Variants in DOCK6 observed in about 807,000 individuals in gnomAD.
DOCK6 encodes dedicator of cytokinesis 6.
In DOCK6, 167 loss-of-function variants were observed where a neutral mutation model predicts 230.3. The observed-to-expected ratio is 0.73, with a 90% CI of 0.64 to 0.82. DOCK6 has a LOEUF of 0.82. Ranked by LOEUF, DOCK6 falls within the 40% of genes least tolerant of loss-of-function variation. The pLI, the probability that DOCK6 is intolerant of heterozygous loss-of-function variation, is 0.00. For synonymous variants in DOCK6, 1,148 were observed against 1,185.0 expected, an observed-to-expected ratio of 0.97 and a Z score of 0.64; for missense variants, 2,598 against 2,825.8, an observed-to-expected ratio of 0.92 and a Z score of 1.83.
intron 1 of DOCK6, among the ~76,000 whole-genome samples, chr19:11,259,441 A>G (rs957161466): frequency 2.6e-5 from 4 of 151,548 alleles, no homozygotes; most frequent in Non-Finnish European, 4.4e-5. Context: ...TGGGGGAGAG[A>G]GAGAGAGAGA....
At chr19:11,256,975 G>A (rs894519925) in intron 1 of DOCK6, among the ~76,000 whole-genome samples, 4 of 151,806 alleles carry the variant, frequency 2.6e-5, no homozygotes, top group Middle Eastern at 3.4e-3. Context: ...CACCGAGCCC[G>A]GCCTGTTTTT....
At chr19:11,256,133 G>C (rs187046258) in intron 1 of DOCK6, among the ~76,000 whole-genome samples, 2 of 152,132 alleles carry the variant, frequency 1.3e-5, no homozygotes, top group Non-Finnish European at 2.9e-5. Context: ...CTACTGACTG[G>C]GGGGGTTGAG....
At chr19:11,261,595 G>A (rs1289720803) in intron 1 of DOCK6, among the ~76,000 whole-genome samples, 1 of 152,172 alleles carries the variant, frequency 6.6e-6, no homozygotes, top group Non-Finnish European at 1.5e-5. Context: ...CCAACTGGGG[G>A]CGAGGCTTTT....
chr19:11,258,958 T>A (rs962217333), intron 1 of DOCK6, among the ~76,000 whole-genome samples: 2 of 150,696 alleles, frequency 1.3e-5, no homozygotes, highest in Non-Finnish European at 3.0e-5. Flanking sequence ...GGTTTCACCA[T>A]CTACAGACCC....
Position 11,217,336 on chromosome 19 carries a change from G to C in DOCK6, c.3606C>G (p.Gly1202=), listed in dbSNP as rs781207287. The change falls in exon 29 of 48, where the codon GGC becomes GGG. Residue 1202 remains glycine (G), a synonymous_variant. Transcript: ENST00000294618. Reference sequence around the variant, plus strand: ...TGATGGTACCCGCAATGTCCCCTTCGCCTTCTGTGTCTGAGTCAAGCATTG... The same window carrying C: ...TGATGGTACCCGCAATGTCCCCTTCCCCTTCTGTGTCTGAGTCAAGCATTG... ...LASMLDSDTE[G]EGDIAGTINP... 4 of 1,613,326 alleles carry C rather than the reference G, an allele frequency of 2.5e-6. No homozygotes were observed. In the South Asian group the frequency reaches 3.3e-5, roughly 13 times the overall value.
intron 28 of DOCK6, among the ~76,000 whole-genome samples, chr19:11,219,253 G>A (rs1311623294): frequency 7.2e-6 from 1 of 139,394 alleles, no homozygotes; most frequent in African/African-American, 2.7e-5. Context: ...ACGCGATCTC[G>A]GCTCACTGCA....
At chr19:11,251,756 AAAC>A (rs1273418702) in intron 5 of DOCK6, 1 of 157,828 alleles carries the variant, frequency 6.3e-6, no homozygotes, top group Non-Finnish European at 1.4e-5. Flanking sequence ...ATAATAATGA[AAAC>A]AACAATAATC....
intron 33 of DOCK6, 54 bp from the exon 34 acceptor site, chr19:11,214,463 G>T: frequency 1.9e-6 from 3 of 1,613,686 alleles, no homozygotes; most frequent in South Asian, 1.1e-5. Context: ...TGGTTATGGG[G>T]AAAGGGAAGG....
At chr19:11,221,584 G>T in intron 28 of DOCK6, 1 of 486,844 alleles carries the variant, frequency 2.1e-6, no homozygotes, top group Non-Finnish European at 3.7e-6. Flanking sequence ...TCTATTGTAG[G>T]CTGACAATAT....
At chr19:11,237,117 G>C in intron 18 of DOCK6, 1 of 592,732 alleles carries the variant, frequency 1.7e-6, no homozygotes. Context: ...AATATTCATT[G>C]AGTAGGTCAG....
chr19:11,223,140 C>G, intron 24 of DOCK6, 34 bp from the exon 25 acceptor site: 3 of 1,595,988 alleles, frequency 1.9e-6, no homozygotes, highest in African/African-American at 1.3e-5. Flanking sequence ...CCCACACACC[C>G]AAACCTCAGC....
intron 33 of DOCK6, 36 bp from the exon 34 acceptor site, chr19:11,214,445 G>A (rs1285111618): frequency 1.2e-6 from 2 of 1,613,560 alleles, no homozygotes; most frequent in African/African-American, 2.7e-5. Context: ...AGGTGTTAGA[G>A]CCTAGGGTGG....
chr19:11,248,295 G>A (rs1320571387), intron 6 of DOCK6, 144 bp from the exon 7 acceptor site: 6 of 617,012 alleles, frequency 9.7e-6, no homozygotes, highest in East Asian at 8.3e-5. Flanking sequence ...TACACGTGCT[G>A]TTCCCCTGCC....
chr19:11,248,143 G>A lies in DOCK6; in HGVS notation c.729C>T (p.Ala243=), dbSNP rs35674395. ...TLYPAPDEDE[A]VERCSRPEPP... ...GCTCTGGGCGGCTACAGCGTTCCAC[G>A]GCTTCATCCTGCCAAGAGTGGGGGG... The change falls in exon 7 of 48, where the codon GCC becomes GCT. Residue 243 remains alanine, a synonymous_variant. Transcript: ENST00000294618. 27 of 1,608,264 alleles carry A rather than the reference G, an allele frequency of 1.7e-5. No individual in the cohort carries two copies. Among genetic ancestry groups the A allele is most frequent in the Middle Eastern group, 1.6e-4 (1 of 6,070 alleles).
intron 37 of DOCK6, among the ~76,000 whole-genome samples, chr19:11,211,188 G>A (rs1230626652): frequency 2.0e-5 from 3 of 149,008 alleles, no homozygotes; most frequent in South Asian, 2.1e-4. Flanking sequence ...TTGACCCTCC[G>A]CTCTTGAGTT....
chr19:11,240,547 C>A (rs2079927159), intron 14 of DOCK6, among the ~76,000 whole-genome samples: 1 of 151,718 alleles, frequency 6.6e-6, no homozygotes, highest in Non-Finnish European at 1.5e-5. Flanking sequence ...AAATATTCAG[C>A]ATGGGGCGGG....
chr19:11,240,429 C>A, intron 14 of DOCK6: 2 of 932,984 alleles, frequency 2.1e-6, no homozygotes, highest in Non-Finnish European at 3.1e-6. Context: ...TGTCCCCAGA[C>A]AAAACTCAAG....
In DOCK6 at chr19:11,227,487, G is replaced by A. The variant is rs1001671022; in HGVS notation, c.2815-10C>T. The A allele has an allele frequency of 8.3e-6, 13 of 1,560,522 alleles. No individual in the cohort carries two copies. In the Admixed American group the frequency reaches 1.2e-4, roughly 14 times the overall value. On this transcript the variant is annotated splice_polypyrimidine_tract_variant and intron_variant, in intron 23 of 47. Coordinates refer to ENST00000294618, the MANE Select transcript of DOCK6 (RefSeq NM_020812.4). ...GCGCCATACTCTTCACCTGGGGGTG[G>A]GGTGAGAGGGCTGTGGGTGGGATTT... is the stretch of plus-strand genomic sequence containing the variant.
In DOCK6 at chr19:11,236,101, A is replaced by G; in HGVS notation, c.2392+245T>C. On this transcript the variant is annotated intron_variant, in intron 20 of 47. Coordinates refer to ENST00000294618, the MANE Select transcript of DOCK6 (RefSeq NM_020812.4). This position sits in a 1 kb window ranked among gnomAD's most constrained non-coding sequence, Gnocchi z 5.2. ...CTCCATGTTGGTCAGGCTGGTCTCA[A>G]ACTCTCGACCTCAGGTGATCTGCCC... 1.8e-6 allele frequency: 1 copy of G among 553,404 alleles called. No homozygotes were observed. The highest frequency in any genetic ancestry group is 3.1e-5 in the East Asian group (1 of 32,258). The allele number at this position is 553,404 out of a possible 1,614,324, so 34.3% of individuals were successfully genotyped here. A position where few individuals can be genotyped will look rare whatever the true frequency, so the allele number is the denominator to read the frequency against.
Sources: gnomAD v4.1 joint callset for allele counts (sites outside exome capture counted in the v4.1 genomes callset) on GRCh38, gnomAD v4.1.1 for gene constraint, Gnocchi (gnomAD v3.1) non-coding constraint, MANE v1.5 for transcripts, NCBI Gene and HGNC (gene_info 2026-07-23, HGNC 2026-07-21) for gene names.